LPIN3: variants seen among roughly 807,000 people sequenced by gnomAD.
The protein encoded by LPIN3 is phosphatidate phosphatase LPIN3.
In LPIN3, 82 loss-of-function variants were observed where a neutral mutation model predicts 94.7. The ratio of observed to expected loss-of-function variants is 0.87; its 90% CI spans 0.72 to 1.04. The LOEUF (loss-of-function observed/expected upper bound fraction) is 1.04, where lower values mean the gene tolerates loss of function less well. Ranked by LOEUF, LPIN3 falls within the 50% of genes least tolerant of loss-of-function variation. LPIN3 has a pLI of 0.00. For synonymous variants in LPIN3, 418 were observed against 443.3 expected (o/e 0.94, Z 0.72); for missense variants, 996 against 1,090.5 (o/e 0.91, Z 1.22).
In LPIN3 at chr20:41,351,539, C is replaced by T. The variant is rs562867907; in HGVS notation, c.1103-282C>T. On this transcript the variant is annotated intron_variant, in intron 7 of 19. Transcript: ENST00000373257. ...CTCGATCCCCTGACTTTGTGATCCA[C>T]CCGCCTCAGCCTCCCAAAGTGCTGG... Among the ~76,000 whole-genome samples the T allele has an allele frequency of 5.3e-5, 8 of 152,212 alleles. No individual in the cohort carries two copies. In the East Asian group the frequency reaches 1.6e-3, roughly 30 times the overall value.
In LPIN3 at chr20:41,360,375, T is replaced by C. The variant is rs1402562018; in HGVS notation, c.*1509T>C. ...AAATGCCCTGACCTCGCAGGAAGGA[T>C]TTCCCCACCCCCAAGTGGAAGGAAG... On this transcript the variant is annotated 3_prime_UTR_variant, in exon 20 of 20. Transcript: ENST00000373257. 6.6e-6 allele frequency: 1 copy of C among 152,028 alleles called. No homozygotes were observed. The highest frequency in any genetic ancestry group is 1.9e-4 in the East Asian group (1 of 5,166). 9.4% of individuals were successfully genotyped at this position (152,028 alleles called of 1,614,324 possible). A position where few individuals can be genotyped will look rare whatever the true frequency, so the allele number is the denominator to read the frequency against.
At chr20:41,344,520 A>T (rs998717114) in intron 1 of LPIN3, among the ~76,000 whole-genome samples, 2 of 152,162 alleles carry the variant, frequency 1.3e-5, no homozygotes, top group Non-Finnish European at 2.9e-5. Flanking sequence ...CTCTGTAGAG[A>T]TAGGACAGTC....
intron 2 of LPIN3, among the ~76,000 whole-genome samples, chr20:41,346,278 G>A (rs1165474608): frequency 6.6e-6 from 1 of 152,234 alleles, no homozygotes; most frequent in Non-Finnish European, 1.5e-5. Context: ...TTACCTGTGT[G>A]TTCTTGGTAA....
rs1233134863 is a variant in LPIN3, at chr20:41,357,057, A to C, written c.1821A>C (p.Gln607His). The change falls in exon 15 of 20, where the codon CAA (glutamine) becomes CAC (histidine). Residue 607 changes from glutamine (Q) to histidine (H), a missense_variant. Physicochemically the swap from Gln to His is conservative, Grantham distance 24. Coordinates refer to ENST00000373257, the MANE Select transcript of LPIN3 (RefSeq NM_022896.3). The stretch of plus-strand genomic sequence containing the variant: ...GGCCTCAGCGGCGCCTGAACCTGCA[A>C]GAAGGTGCCAATGATGTGGTCTTCA... ...SSDQIRRLNL[Q>H]EGANDVVFSV... is the part of the protein sequence containing the mutation. 6.2e-7 allele frequency: 1 copy of C among 1,613,238 alleles called. No homozygotes were observed. The highest frequency in any genetic ancestry group is 8.5e-7 in the Non-Finnish European group (1 of 1,179,378).
chr20:41,354,613 G>A, intron 11 of LPIN3, 32 bp from the exon 12 acceptor site: 4 of 1,539,266 alleles, frequency 2.6e-6, no homozygotes, highest in East Asian at 2.3e-5. Context: ...TGTGGTGCAG[G>A]AAACACTGCC....
intron 1 of LPIN3, 82 bp from the exon 2 acceptor site, chr20:41,345,714 G>T: frequency 7.1e-7 from 1 of 1,407,058 alleles, no homozygotes; most frequent in Non-Finnish European, 9.7e-7. Context: ...TAAACTTGGG[G>T]GTCTGTGTGG....
At position 41,348,746 on chromosome 20, in the gene LPIN3, C is replaced by T; in HGVS notation, c.416C>T (p.Thr139Ile). 6.2e-7 allele frequency: 1 copy of T among 1,613,586 alleles called. No individual in the cohort carries two copies. The highest frequency in any genetic ancestry group is 1.1e-5 in the South Asian group (1 of 90,980). The change falls in exon 4 of 20, where the codon ACT becomes ATT. Residue 139 changes from threonine (T) to isoleucine (I), a missense_variant. Physicochemically the swap from Thr to Ile is moderately conservative, Grantham distance 89. Coordinates refer to ENST00000373257, the MANE Select transcript of LPIN3 (RefSeq NM_022896.3). ...EGLVMAGTAS[T>I]GRRKRRRRRK... ...CTCGTCATGGCAGGCACGGCCTCCA[C>T]TGGGCGGAGGAAGAGGCGTCGCAGG...
chr20:41,350,298 G>A lies in LPIN3; in HGVS notation c.1003G>A (p.Gly335Arg), dbSNP rs2045961665. The change falls in exon 7 of 20, where the codon GGG (glycine) becomes AGG (arginine). Residue 335 changes from glycine to arginine, a missense_variant. Gly to Arg is a moderately radical substitution (Grantham distance 125). Transcript: ENST00000373257. ...ETEESKTQSS[G>R]DMGLPPASKS... ...AGAGGAAAGCAAGACTCAGAGCTCT[G>A]GGGACATGGGCCTCCCTCCTGCCTC... 5 of 1,612,674 alleles carry A rather than the reference G, an allele frequency of 3.1e-6. No individual in the cohort carries two copies. Among genetic ancestry groups the A allele is most frequent in the Non-Finnish European group, 4.2e-6 (5 of 1,179,104 alleles).
At position 41,357,439 on chromosome 20, in the gene LPIN3, A is replaced by C. The variant is rs1234813356; in HGVS notation, c.2031A>C (p.Lys677Asn). The C allele has an allele frequency of 6.2e-7, 1 of 1,613,156 alleles. No individual in the cohort carries two copies. The highest frequency in any genetic ancestry group is 8.5e-7 in the Non-Finnish European group (1 of 1,179,754). ...THQGITSLYH[K>N]IQLNGYKFLY... ...AGGGCATCACCAGTCTCTATCACAAAATCCAACTGTGAGTGCCTGGGCTGG... is the reference window on the plus strand; with the variant it reads ...AGGGCATCACCAGTCTCTATCACAACATCCAACTGTGAGTGCCTGGGCTGG... The change falls in exon 16 of 20, where the codon AAA becomes AAC. Residue 677 changes from lysine to asparagine, a missense_variant. By Grantham distance (94) the Lys-to-Asn change is moderately conservative. Transcript: ENST00000373257.
chr20:41,353,805 T>C (rs576198063), intron 11 of LPIN3, among the ~76,000 whole-genome samples: 1 of 152,226 alleles, frequency 6.6e-6, no homozygotes, highest in Admixed American at 6.5e-5. Context: ...CTAACAGATG[T>C]TGACAGCTGT....
chr20:41,354,671 G>C lies in LPIN3; in HGVS notation c.1554G>C (p.Glu518Asp). Residue 518 changes from glutamate (E) to aspartate (D), a missense_variant, in exon 12 of 20, where the codon GAG becomes GAC. Glu to Asp is a conservative substitution (Grantham distance 45, BLOSUM62 2). Coordinates refer to ENST00000373257, the MANE Select transcript of LPIN3 (RefSeq NM_022896.3). ...PKSTMDKLER[E>D]KMPRKGGRWW... Reference sequence around the variant, plus strand: ...GCACCATGGACAAGCTGGAGAGGGAGAAGATGCCCCGGAAGGGTGGGCGAT... The same window carrying C: ...GCACCATGGACAAGCTGGAGAGGGACAAGATGCCCCGGAAGGGTGGGCGAT... 6.3e-7 allele frequency: 1 copy of C among 1,597,982 alleles called. No individual in the cohort carries two copies. Among genetic ancestry groups the C allele is most frequent in the South Asian group, 1.1e-5 (1 of 87,962 alleles).
At position 41,344,057 on chromosome 20, in the gene LPIN3, G is replaced by C. The variant is rs534125691; in HGVS notation, c.-8-1739G>C. Among the ~76,000 whole-genome samples the C allele has an allele frequency of 1.2e-3, 188 of 150,636 alleles. 1 individual carries two copies. Among genetic ancestry groups the C allele is most frequent in the South Asian group, 2.1e-3 (10 of 4,748 alleles). ...AGCCTGGGTAACAGAGTGAGATCCT[G>C]TCTCAAAAAAAAAAAAGAAAAGAAA... is the stretch of plus-strand genomic sequence containing the variant. On this transcript the variant is annotated intron_variant, in intron 1 of 19. Coordinates refer to ENST00000373257, the MANE Select transcript of LPIN3 (RefSeq NM_022896.3).
rs955637919 is a variant in LPIN3, at chr20:41,349,272, G to T, written c.638+100G>T. The T allele has an allele frequency of 1.5e-5, 14 of 963,032 alleles. No individual in the cohort carries two copies. The African/African-American group carries it at 2.1e-4, about 15-fold the overall frequency. 59.7% of individuals were successfully genotyped at this position (963,032 alleles called of 1,614,324 possible). A position where few individuals can be genotyped will look rare whatever the true frequency, so the allele number is the denominator to read the frequency against. The stretch of plus-strand genomic sequence containing the variant: ...ACTAATGACACAGGACCCATTTAAT[G>T]TGTTTACTAGCCATTCGTATTTTTC... On this transcript the variant is annotated intron_variant, in intron 5 of 19. Transcript: ENST00000373257.
At chr20:41,344,915 G>A (rs1024051829) in intron 1 of LPIN3, among the ~76,000 whole-genome samples, 2 of 152,248 alleles carry the variant, frequency 1.3e-5, no homozygotes, top group Admixed American at 1.3e-4. Flanking sequence ...TCCCACCAGG[G>A]AAACTGGGAA....
At chr20:41,357,211 A>T in intron 15 of LPIN3, 23 bp downstream of exon 15, 4 of 1,613,182 alleles carry the variant, frequency 2.5e-6, no homozygotes, top group Non-Finnish European at 3.4e-6. Flanking sequence ...CAGCTGTGGG[A>T]AGGGGAGGGA....
intron 11 of LPIN3, among the ~76,000 whole-genome samples, chr20:41,353,464 C>A (rs1166679737): frequency 2.0e-5 from 3 of 152,190 alleles, no homozygotes; most frequent in Admixed American, 2.0e-4. Flanking sequence ...GATGGGTGTG[C>A]AGTGCTTGCA....
Position 41,345,997 on chromosome 20 carries a change from T to C in LPIN3, c.192+2T>C, listed in dbSNP as rs143723483. ...GTCCTGCGGTCGCGGGAGAAGGTGG[T>C]GAGTGCTCAGGCTGGCTGAGGTGGC... On this transcript the variant is annotated splice_donor_variant, in intron 2 of 19. Coordinates refer to ENST00000373257, the MANE Select transcript of LPIN3 (RefSeq NM_022896.3). LOFTEE classifies it high-confidence loss of function. 1.9e-6 allele frequency: 3 copies of C among 1,612,442 alleles called. No homozygotes were observed. Among genetic ancestry groups the C allele is most frequent in the African/African-American group, 1.3e-5 (1 of 75,024 alleles).
intron 1 of LPIN3, 105 bp from the exon 2 acceptor site, chr20:41,345,691 C>T (rs1451772777): frequency 1.5e-5 from 18 of 1,216,558 alleles, no homozygotes; most frequent in African/African-American, 1.1e-4. Flanking sequence ...CACTCCAAGG[C>T]GTGACACAAA....
rs2046327786 is a variant in LPIN3 at position 41,359,533 on chromosome 20, C to T, written c.*667C>T. 6.6e-6 allele frequency: 1 copy of T among 152,258 alleles called. No individual in the cohort carries two copies. 9.4% of individuals were successfully genotyped at this position (152,258 alleles called of 1,614,324 possible). A position where few individuals can be genotyped will look rare whatever the true frequency, so the allele number is the denominator to read the frequency against. ...GGACAGGGAGAAGAGGGAGGCCCTA[C>T]CGAGGCTCGAGGCTTCAGTGAAGGG... On this transcript the variant is annotated 3_prime_UTR_variant, in exon 20 of 20. Transcript: ENST00000373257.
Sources: allele counts gnomAD v4.1 joint callset (sites outside exome capture counted in the v4.1 genomes callset), GRCh38; gene constraint gnomAD v4.1.1; transcripts MANE v1.5; gene names NCBI Gene and HGNC (gene_info 2026-07-23, HGNC 2026-07-21).